DSCAM: variants seen among roughly 807,000 people sequenced by gnomAD.
DSCAM encodes the protein DS cell adhesion molecule.
A neutral mutation model predicts 217.7 loss-of-function variants in DSCAM; 47 were observed. That is an observed-to-expected ratio of 0.22 (90% confidence interval 0.17 to 0.28). The LOEUF (loss-of-function observed/expected upper bound fraction) is 0.28. DSCAM is among the 10% of genes least tolerant of loss of function. The pLI is 1.00. For synonymous variants in DSCAM, 1,056 were observed against 1,015.3 expected, an observed-to-expected ratio of 1.04 and a Z score of -0.76; for missense variants, 2,080 against 2,618.3, an observed-to-expected ratio of 0.79 and a Z score of 4.49.
At chr21:40,047,087 G>C (rs1225986480) in intron 30 of DSCAM, among the ~76,000 whole-genome samples, 2 of 149,172 alleles carry the variant, frequency 1.3e-5, no homozygotes, top group African/African-American at 4.9e-5. Flanking sequence ...CATGATATTA[G>C]TTTCCTTAAA....
intron 3 of DSCAM, among the ~76,000 whole-genome samples, chr21:40,605,378 G>T (rs192520296): frequency 5.3e-4 from 81 of 152,258 alleles, no homozygotes; most frequent in Admixed American, 9.8e-4. Flanking sequence ...ATTCTGTTCA[G>T]CTTTTTTTCA....
chr21:40,378,554 ATTTTT>A (rs71186931), intron 3 of DSCAM, among the ~76,000 whole-genome samples: 1 of 75,650 alleles, frequency 1.3e-5, no homozygotes, highest in African/African-American at 5.1e-5. Flanking sequence ...ATGAAAACTT[ATTTTT>A]TTTTTTTTTT....
In DSCAM at chr21:40,470,826, T is replaced by C. The variant is rs373577688; in HGVS notation, c.509-101581A>G. On this transcript the variant is annotated intron_variant, in intron 3 of 32. Coordinates refer to ENST00000400454, the MANE Select transcript of DSCAM (RefSeq NM_001389.5). ...GCCTGGATCTCCCAAAGTGATGGGA[T>C]TACAAGTGTGAGCCACCTCACCTGG... is the stretch of plus-strand genomic sequence containing the variant. Among the ~76,000 whole-genome samples the C allele has an allele frequency of 3.0e-4, 46 of 152,334 alleles. No homozygotes were observed. The South Asian group carries it at 9.1e-3, about 30-fold the overall frequency.
chr21:40,068,854 G>A (rs2089248745), intron 27 of DSCAM, among the ~76,000 whole-genome samples: 2 of 152,190 alleles, frequency 1.3e-5, no homozygotes, highest in Admixed American at 1.3e-4. Flanking sequence ...GGGAGGCTGA[G>A]GCAGGCGGAT....
chr21:40,300,725 G>A (rs76034353), intron 9 of DSCAM, among the ~76,000 whole-genome samples: 3,147 of 152,294 alleles, frequency 0.021, 42 homozygotes, highest in Non-Finnish European at 0.029. Context: ...CTGTGCCTGC[G>A]CTTCTCAAAC....
rs185222011 is a variant in DSCAM at position 40,159,606 on chromosome 21, G to A, written c.3018+7612C>T. ...AATTAATTAATTAAATTTTTGAGAC[G>A]AGTCTTGCTCTGCCACTCAGGCTAG... On this transcript the variant is annotated intron_variant, in intron 16 of 32. Coordinates refer to ENST00000400454, the MANE Select transcript of DSCAM (RefSeq NM_001389.5). Among the ~76,000 whole-genome samples the A allele has an allele frequency of 1.2e-4, 18 of 152,146 alleles. No individual in the cohort carries two copies. The East Asian group carries it at 2.9e-3, about 24-fold the overall frequency.
chr21:40,525,656 G>A (rs2146097943), intron 3 of DSCAM, among the ~76,000 whole-genome samples: 1 of 152,318 alleles, frequency 6.6e-6, no homozygotes, highest in East Asian at 1.9e-4. Flanking sequence ...CACTCTCAAT[G>A]TCTTGGATCC....
At chr21:40,129,461 T>C (rs2090132742) in intron 19 of DSCAM, among the ~76,000 whole-genome samples, 1 of 152,178 alleles carries the variant, frequency 6.6e-6, no homozygotes, top group Non-Finnish European at 1.5e-5. Context: ...GGGTGGCTCT[T>C]GAAGCTGGGG....
At chr21:40,686,781 C>A (rs934861277) in intron 3 of DSCAM, among the ~76,000 whole-genome samples, 4 of 152,158 alleles carry the variant, frequency 2.6e-5, no homozygotes, top group African/African-American at 9.7e-5. Context: ...CCTTACACGA[C>A]CCCCATTCTT....
intron 3 of DSCAM, among the ~76,000 whole-genome samples, chr21:40,561,869 G>A (rs984961421): frequency 3.9e-5 from 6 of 152,102 alleles, no homozygotes; most frequent in African/African-American, 1.2e-4. Flanking sequence ...TAGATTTGGG[G>A]GCCCTTTGTA....
chr21:40,535,176 A>G (rs2076485716), intron 3 of DSCAM, among the ~76,000 whole-genome samples: 4 of 152,206 alleles, frequency 2.6e-5, no homozygotes, highest in Admixed American at 1.3e-4. Flanking sequence ...TCTATCTTAA[A>G]GGTGTAGGGG....
intron 3 of DSCAM, among the ~76,000 whole-genome samples, chr21:40,566,326 C>T (rs1479755578): frequency 1.3e-5 from 2 of 152,120 alleles, no homozygotes; most frequent in African/African-American, 4.8e-5. Context: ...GAAGACAAGA[C>T]ACTGAAAGTA....
At chr21:40,766,518 T>A (rs554697718) in intron 1 of DSCAM, among the ~76,000 whole-genome samples, 2 of 151,814 alleles carry the variant, frequency 1.3e-5, no homozygotes, top group Non-Finnish European at 2.9e-5. Context: ...CACATTCTTT[T>A]CCCCTGGGAG....
chr21:40,274,296 A>C (rs554298929), intron 11 of DSCAM, among the ~76,000 whole-genome samples: 48 of 152,134 alleles, frequency 3.2e-4, no homozygotes, highest in Non-Finnish European at 2.9e-4. Context: ...TGACATTTCC[A>C]TCCTCCTCTG....
intron 32 of DSCAM, among the ~76,000 whole-genome samples, chr21:40,019,347 G>C (rs1378904216): frequency 6.6e-6 from 1 of 152,204 alleles, no homozygotes; most frequent in East Asian, 1.9e-4. Flanking sequence ...GTGGTGATGA[G>C]GAATAGAGGC....
At chr21:40,333,478 C>T (rs2074397619) in intron 8 of DSCAM, among the ~76,000 whole-genome samples, 1 of 152,168 alleles carries the variant, frequency 6.6e-6, no homozygotes, top group African/African-American at 2.4e-5. Context: ...CATCCTCCCT[C>T]CTCAGCCACC....
intron 15 of DSCAM, 100 bp downstream of exon 15, chr21:40,178,827 C>T: frequency 1.2e-5 from 18 of 1,485,856 alleles, no homozygotes; most frequent in Non-Finnish European, 1.8e-6. Flanking sequence ...AGACCTCCGC[C>T]TAGCACGGGC....
intron 27 of DSCAM, among the ~76,000 whole-genome samples, chr21:40,073,496 T>A (rs935572150): frequency 1.3e-5 from 2 of 152,192 alleles, no homozygotes; most frequent in Non-Finnish European, 2.9e-5. Flanking sequence ...ACATCCTTTT[T>A]GTGTTTTAGT....
chr21:40,589,402 C>T (rs926066008), intron 3 of DSCAM, among the ~76,000 whole-genome samples: 1 of 152,046 alleles, frequency 6.6e-6, no homozygotes, highest in Admixed American at 6.5e-5. Context: ...ATGGTGAAAC[C>T]CCGTCCCTAC....
Sources: gnomAD v4.1 joint callset for allele counts (sites outside exome capture counted in the v4.1 genomes callset) on GRCh38, gnomAD v4.1.1 for gene constraint, MANE v1.5 for transcripts, NCBI Gene and HGNC (gene_info 2026-07-23, HGNC 2026-07-21) for gene names.